CACNA2D1: variants seen among roughly 807,000 people sequenced by gnomAD.
The protein encoded by CACNA2D1 is voltage-dependent calcium channel subunit alpha-2/delta-1.
Under a neutral mutation model 171.5 loss-of-function variants are expected in CACNA2D1, and 53 were observed. The observed-to-expected ratio is 0.31, with a 90% CI of 0.25 to 0.39. CACNA2D1 has a LOEUF of 0.39. Ranked by LOEUF, CACNA2D1 falls within the 10% of genes least tolerant of loss-of-function variation. The pLI, the probability that CACNA2D1 is intolerant of heterozygous loss-of-function variation, is 1.00. For missense variants in CACNA2D1, 903 were observed against 1,299.8 expected (o/e 0.69, Z 4.69); for synonymous variants, 442 against 443.1 (o/e 1.00, Z 0.03).
intron 1 of CACNA2D1, among the ~76,000 whole-genome samples, chr7:82,352,217 T>G (rs1819929696): frequency 6.6e-6 from 1 of 152,194 alleles, no homozygotes; most frequent in Admixed American, 6.6e-5. Context: ...TTAACTTGGT[T>G]TTCTGAAATA....
At chr7:82,023,383 C>T (rs757535840) in intron 12 of CACNA2D1, among the ~76,000 whole-genome samples, 10 of 151,820 alleles carry the variant, frequency 6.6e-5, no homozygotes, top group Non-Finnish European at 1.2e-4. Context: ...TGTTCTAATT[C>T]TCAAACCTTT....
At chr7:82,170,850 T>C (rs1214622342) in intron 3 of CACNA2D1, among the ~76,000 whole-genome samples, 1 of 152,066 alleles carries the variant, frequency 6.6e-6, no homozygotes, top group African/African-American at 2.4e-5. Context: ...TTGTTACCTC[T>C]GCCATCATCA....
chr7:81,997,934 A>G (rs1290939801), intron 18 of CACNA2D1, among the ~76,000 whole-genome samples: 1 of 151,954 alleles, frequency 6.6e-6, no homozygotes, highest in East Asian at 1.9e-4. Flanking sequence ...GGTTCAATGA[A>G]TACTATTTCC....
At chr7:82,022,383 A>T (rs1204579268) in intron 12 of CACNA2D1, among the ~76,000 whole-genome samples, 1 of 151,964 alleles carries the variant, frequency 6.6e-6, no homozygotes, top group Non-Finnish European at 1.5e-5. Context: ...GTAGAGCCCT[A>T]TTCTAAAGCT....
chr7:82,331,285 G>A, intron 3 of CACNA2D1, among the ~76,000 whole-genome samples: 1 of 152,106 alleles, frequency 6.6e-6, no homozygotes, highest in South Asian at 2.1e-4. Flanking sequence ...GTATATTCAT[G>A]ATGTTTTCCA....
At chr7:81,979,232 T>C (rs1393391212) in intron 24 of CACNA2D1, among the ~76,000 whole-genome samples, 1 of 152,102 alleles carries the variant, frequency 6.6e-6, no homozygotes, top group Non-Finnish European at 1.5e-5. Flanking sequence ...TTTATGATGA[T>C]GAAAATGTTC....
intron 1 of CACNA2D1, among the ~76,000 whole-genome samples, chr7:82,426,037 C>T (rs1207564033): frequency 6.6e-6 from 1 of 151,230 alleles, no homozygotes; most frequent in East Asian, 2.0e-4. Context: ...GGCTGAGGCA[C>T]GAGAATCCAC....
At chr7:82,317,539 T>C (rs79345874) in intron 3 of CACNA2D1, among the ~76,000 whole-genome samples, 251 of 152,310 alleles carry the variant, frequency 1.6e-3, no homozygotes, top group African/African-American at 5.7e-3. Context: ...CTGAGAATCT[T>C]TGCGGTGACT....
At chr7:82,188,466 G>A (rs1341447160) in intron 3 of CACNA2D1, among the ~76,000 whole-genome samples, 4 of 151,938 alleles carry the variant, frequency 2.6e-5, no homozygotes, top group African/African-American at 9.7e-5. Flanking sequence ...AAATAAATCG[G>A]TAATATAATA....
chr7:82,381,301 G>C (rs930152763), intron 1 of CACNA2D1, among the ~76,000 whole-genome samples: 1 of 136,782 alleles, frequency 7.3e-6, no homozygotes, highest in Non-Finnish European at 1.5e-5. Context: ...GCGAAAGAGC[G>C]AGACTCTGTC....
intron 1 of CACNA2D1, among the ~76,000 whole-genome samples, chr7:82,356,187 T>A (rs949129028): frequency 7.9e-5 from 12 of 152,160 alleles, no homozygotes; most frequent in African/African-American, 2.9e-4. Flanking sequence ...AAAACTAGGG[T>A]TCGTCTTTCA....
rs1452899346 is a variant in CACNA2D1 at position 81,959,708 on chromosome 7, G to A, written c.3076+12C>T. ...GTTTTCCTTTCCAGATAGCTCTGAT[G>A]TCAAAGGATACAAGTCTGCTCCGCT... is the stretch of plus-strand genomic sequence containing the variant. On this transcript the variant is annotated intron_variant, in intron 37 of 38. Transcript: ENST00000356860. 6.2e-7 allele frequency: 1 copy of A among 1,609,878 alleles called. No individual in the cohort carries two copies.
chr7:81,988,474 T>C (rs1211218550), intron 21 of CACNA2D1, among the ~76,000 whole-genome samples: 3 of 152,182 alleles, frequency 2.0e-5, no homozygotes, highest in Non-Finnish European at 2.9e-5. Context: ...ATCCTAGGAA[T>C]ACTAAAGGAG....
intron 1 of CACNA2D1, among the ~76,000 whole-genome samples, chr7:82,359,031 C>T: frequency 6.6e-6 from 1 of 152,154 alleles, no homozygotes; most frequent in Non-Finnish European, 1.5e-5. Flanking sequence ...TTCCCTGAAG[C>T]CTTGAGGGTT....
At chr7:82,413,920 T>C (rs948990897) in intron 1 of CACNA2D1, among the ~76,000 whole-genome samples, 4 of 152,182 alleles carry the variant, frequency 2.6e-5, no homozygotes, top group African/African-American at 7.2e-5. Context: ...TATACTATCC[T>C]GAATAAAAGT....
At chr7:82,363,467 G>A (rs914255925) in intron 1 of CACNA2D1, among the ~76,000 whole-genome samples, 9 of 151,670 alleles carry the variant, frequency 5.9e-5, no homozygotes, top group South Asian at 4.2e-4. Context: ...GGGTTTCACC[G>A]TGTTAGCCAG....
At chr7:82,238,429 C>G (rs774408642) in intron 3 of CACNA2D1, among the ~76,000 whole-genome samples, 11 of 151,864 alleles carry the variant, frequency 7.2e-5, no homozygotes, top group Admixed American at 2.0e-4. Context: ...AGGACATGAA[C>G]AGACACTTTC....
chr7:82,036,479 A>G (rs376030440), intron 11 of CACNA2D1, among the ~76,000 whole-genome samples: 23 of 152,222 alleles, frequency 1.5e-4, no homozygotes, highest in African/African-American at 5.1e-4. Flanking sequence ...CCTAAGTTCT[A>G]ATCATTCTTC....
chr7:82,056,952 A>G (rs942668790), intron 10 of CACNA2D1, among the ~76,000 whole-genome samples: 1 of 152,002 alleles, frequency 6.6e-6, no homozygotes, highest in African/African-American at 2.4e-5. Context: ...CACAGGGTCT[A>G]CCATATGTTG....
Sources: allele counts gnomAD v4.1 joint callset (sites outside exome capture counted in the v4.1 genomes callset), GRCh38; gene constraint gnomAD v4.1.1; transcripts MANE v1.5; gene names NCBI Gene and HGNC (gene_info 2026-07-23, HGNC 2026-07-21).